TEX9: variants seen among roughly 807,000 people sequenced by gnomAD.
The protein encoded by TEX9 is testis expressed 9.
In TEX9, 74 loss-of-function variants were observed where a neutral mutation model predicts 59.6. The ratio of observed to expected loss-of-function variants is 1.24; its 90% confidence interval spans 1.03 to 1.51. The LOEUF (loss-of-function observed/expected upper bound fraction) is 1.51, where lower values mean the gene tolerates loss of function less well. Among genes scored for constraint, TEX9 ranks in the 40% most tolerant of loss-of-function variants. TEX9 has a pLI of 0.00. For missense variants in TEX9, 522 were observed against 447.8 expected, an observed-to-expected ratio of 1.17 and a Z score of -1.49; for synonymous variants, 186 against 152.2, an observed-to-expected ratio of 1.22 and a Z score of -1.64.
chr15:56,434,379 T>A (rs1284174360), intron 12 of TEX9: 1 of 1,611,770 alleles, frequency 6.2e-7, no homozygotes. Flanking sequence ...CTTTCTCAAT[T>A]TCTTTTCTGC....
intron 1 of TEX9, among the ~76,000 whole-genome samples, chr15:56,334,715 A>C: frequency 6.6e-6 from 1 of 152,204 alleles, no homozygotes. Context: ...GTGAAGAGAC[A>C]ACCCACAGGA....
intron 1 of TEX9, among the ~76,000 whole-genome samples, chr15:56,244,973 C>CAGCT (rs2043812762): frequency 6.6e-6 from 1 of 152,192 alleles, no homozygotes; most frequent in South Asian, 2.1e-4. Flanking sequence ...CCAAATGGAA[C>CAGCT]AGCTGTTCAG....
intron 1 of TEX9, among the ~76,000 whole-genome samples, chr15:56,309,935 G>A (rs1318486703): frequency 6.6e-6 from 1 of 151,902 alleles, no homozygotes; most frequent in Non-Finnish European, 1.5e-5. Context: ...GTAGCAGGTT[G>A]GTCCATGTGA....
intron 1 of TEX9, among the ~76,000 whole-genome samples, chr15:56,269,653 C>CTTTTTTT (rs1309147898): frequency 3.8e-5 from 5 of 131,372 alleles, no homozygotes; most frequent in Non-Finnish European, 6.5e-5. Context: ...CTTTTCTTTT[C>CTTTTTTT]TTTTTTTTTT....
chr15:56,287,070 T>C (rs12594941), intron 1 of TEX9, among the ~76,000 whole-genome samples: 9,204 of 152,230 alleles, frequency 0.06, 684 homozygotes, highest in East Asian at 0.37. Flanking sequence ...GAGGATGCTC[T>C]ATATTTGACA....
the TEX9 span, among the ~76,000 whole-genome samples, chr15:56,459,413 T>C: frequency 2.6e-5 from 4 of 152,202 alleles, no homozygotes; most frequent in East Asian, 3.8e-4. Flanking sequence ...AATGCTGTTA[T>C]AGACACTCGT....
At chr15:56,349,733 A>C (rs889679314) in intron 1 of TEX9, among the ~76,000 whole-genome samples, 1 of 150,680 alleles carries the variant, frequency 6.6e-6, no homozygotes, top group Admixed American at 6.6e-5. Context: ...ACATATACAC[A>C]CGTGTATATA....
intron 10 of TEX9, among the ~76,000 whole-genome samples, chr15:56,417,524 CT>C (rs1259821710): frequency 6.6e-6 from 1 of 151,708 alleles, no homozygotes; most frequent in African/African-American, 2.4e-5. Context: ...ATAGTCTTGA[CT>C]CCAGTTTATT....
At position 56,401,915 on chromosome 15, in the gene TEX9, G is replaced by C. The variant is rs140115199; in HGVS notation, c.828+7081G>C. ...ATAATGAAATGAAGGCAGAAATAAA[G>C]ATTTTCTTTGAAACCAATGAGAACA... On this transcript the variant is annotated intron_variant, in intron 9 of 12. Transcript: ENST00000352903. 2.7e-3 allele frequency among the ~76,000 whole-genome samples: 415 copies of C among 152,216 alleles called. 4 individuals carry two copies. The highest frequency in any genetic ancestry group is 9.5e-3 in the African/African-American group (395 of 41,536).
In TEX9 at chr15:56,444,665, A is replaced by G. The variant is rs367708963; in HGVS notation, c.*30-1006A>G. 3.9e-5 allele frequency: 63 copies of G among 1,610,726 alleles called. No individual in the cohort carries two copies. The East Asian group carries it at 1.2e-3, about 31-fold the overall frequency. On this transcript the variant is annotated intron_variant, in intron 12 of 12. Coordinates refer to ENST00000352903, the Ensembl canonical transcript of TEX9. ...CCATCATGGTTTTGGCTATTTCAGC[A>G]TCACGTTTCTGTTATTAAAACAAAA...
intron 9 of TEX9, chr15:56,398,175 T>C (rs1159598995): frequency 6.6e-6 from 1 of 152,198 alleles, no homozygotes; most frequent in African/African-American, 2.4e-5. Context: ...GTGCTATAAC[T>C]ATAAAGTAAA....
At chr15:56,314,018 C>T (rs1329463386) in intron 1 of TEX9, among the ~76,000 whole-genome samples, 1 of 90,550 alleles carries the variant, frequency 1.1e-5, no homozygotes, top group Non-Finnish European at 2.4e-5. Context: ...TTTTTTATTG[C>T]GTCCATTTGA....
chr15:56,362,792 T>A (rs913662508), upstream of TEX9, among the ~76,000 whole-genome samples: 3 of 152,214 alleles, frequency 2.0e-5, no homozygotes, highest in African/African-American at 7.2e-5. Context: ...CAATATGTAG[T>A]CATATTGAAA....
intron 9 of TEX9, among the ~76,000 whole-genome samples, chr15:56,405,785 A>G (rs1261149244): frequency 1.3e-5 from 2 of 151,600 alleles, no homozygotes; most frequent in Admixed American, 1.3e-4. Context: ...AGTGTGATGG[A>G]CTTGCTTTTA....
chr15:56,283,629 T>G (rs1398845817), intron 1 of TEX9, among the ~76,000 whole-genome samples: 1 of 152,116 alleles, frequency 6.6e-6, no homozygotes, highest in Non-Finnish European at 1.5e-5. Context: ...GAGTTAAATA[T>G]CTAAAAACAA....
intron 3 of TEX9, among the ~76,000 whole-genome samples, chr15:56,381,688 ATT>A (rs1359453348): frequency 1.3e-5 from 2 of 151,992 alleles, no homozygotes; most frequent in Non-Finnish European, 2.9e-5. Flanking sequence ...CTCTTCCTTT[ATT>A]TTCTCCCAAA....
chr15:56,364,257 G>C (rs1229895965), upstream of TEX9, among the ~76,000 whole-genome samples: 1 of 151,578 alleles, frequency 6.6e-6, no homozygotes, highest in African/African-American at 2.4e-5. Flanking sequence ...AGGTTCAAGC[G>C]ATTCTCCTGC....
chr15:56,292,934 C>T (rs2045130703), intron 1 of TEX9, among the ~76,000 whole-genome samples: 1 of 152,194 alleles, frequency 6.6e-6, no homozygotes, highest in Non-Finnish European at 1.5e-5. Context: ...CTATGCTATC[C>T]TGCTTCCCTC....
chr15:56,339,748 GATT>G (rs1403268322), intron 1 of TEX9, among the ~76,000 whole-genome samples: 4 of 152,086 alleles, frequency 2.6e-5, no homozygotes, highest in Non-Finnish European at 4.4e-5. Flanking sequence ...ATTATTAGGT[GATT>G]AGGTCATCAT....
Sources: gnomAD v4.1 joint callset for allele counts (sites outside exome capture counted in the v4.1 genomes callset) on GRCh38, gnomAD v4.1.1 for gene constraint, MANE v1.5 for transcripts, NCBI Gene and HGNC (gene_info 2026-07-23, HGNC 2026-07-21) for gene names.